The following EYS variants were observed in gnomAD, a reference collection of about 807,000 sequenced individuals.
EYS encodes the protein protein eyes shut homolog.
Under a neutral mutation model 282.1 loss-of-function variants are expected in EYS, and 250 were observed. The ratio of observed to expected loss-of-function variants is 0.89; its 90% CI spans 0.80 to 0.98. The LOEUF (loss-of-function observed/expected upper bound fraction) is 0.98, where lower values mean the gene tolerates loss of function less well. EYS is among the 50% of genes least tolerant of loss of function. The pLI, the probability that EYS is intolerant of heterozygous loss-of-function variation, is 0.00. For synonymous variants in EYS, 1,355 were observed against 1,282.9 expected (o/e 1.06, Z -1.20); for missense variants, 4,016 against 3,709.0 (o/e 1.08, Z -2.15).
rs189975813 is a variant in EYS at position 65,319,279 on chromosome 6, C to T, written c.1766+15701G>A. Reference sequence around the variant, plus strand: ...CCTGTAATCCCAGCTACTTGGGAGGCGGAGGCAGGAGAATCTCTTTAACCC... The same window carrying T: ...CCTGTAATCCCAGCTACTTGGGAGGTGGAGGCAGGAGAATCTCTTTAACCC... On this transcript the variant is annotated intron_variant, in intron 11 of 42. Transcript: ENST00000503581. Among the ~76,000 whole-genome samples the T allele has an allele frequency of 9.1e-3, 1,346 of 147,114 alleles. 18 individuals are homozygous for T. Among genetic ancestry groups the T allele is most frequent in the African/African-American group, 0.032 (1,261 of 39,646 alleles).
intron 22 of EYS, among the ~76,000 whole-genome samples, chr6:64,771,409 T>C (rs976996800): frequency 3.3e-5 from 5 of 151,520 alleles, no homozygotes; most frequent in Non-Finnish European, 7.4e-5. Context: ...TTTTGATTTC[T>C]ATTTTACTTA....
At position 65,394,941 on chromosome 6, in the gene EYS, C is replaced by T. The variant is rs188139388; in HGVS notation, c.1184+7537G>A. On this transcript the variant is annotated intron_variant, in intron 7 of 42. Coordinates refer to ENST00000503581, the MANE Select transcript of EYS (RefSeq NM_001142800.2). ...TTCAAGATGATGCCATCAAACCATG[C>T]TACCCATATCTTCTCCTGTCATAGT... is the stretch of plus-strand genomic sequence containing the variant. Among the ~76,000 whole-genome samples the T allele has an allele frequency of 2.0e-5, 3 of 152,326 alleles. No individual in the cohort carries two copies. The East Asian group carries it at 5.8e-4, about 29-fold the overall frequency.
chr6:63,754,089 C>CCCTATAA (rs1769415406), intron 41 of EYS, among the ~76,000 whole-genome samples: 1 of 152,122 alleles, frequency 6.6e-6, no homozygotes, highest in African/African-American at 2.4e-5. Flanking sequence ...TTTCCCTGAA[C>CCCTATAA]TTTTATCTAA....
intron 12 of EYS, among the ~76,000 whole-genome samples, chr6:65,183,791 G>A (rs1231839561): frequency 2.6e-5 from 4 of 151,798 alleles, no homozygotes; most frequent in African/African-American, 7.2e-5. Context: ...ATTAGGATTA[G>A]GGAAAGGTTA....
intron 22 of EYS, among the ~76,000 whole-genome samples, chr6:64,635,606 G>A (rs1767948353): frequency 6.6e-6 from 1 of 152,156 alleles, no homozygotes; most frequent in African/African-American, 2.4e-5. Context: ...CTTTGGTTCT[G>A]TTTATATGCT....
intron 34 of EYS, among the ~76,000 whole-genome samples, chr6:63,985,044 C>T (rs1028046885): frequency 6.6e-6 from 1 of 151,604 alleles, no homozygotes; most frequent in Admixed American, 6.6e-5. Context: ...CAGAATGTGA[C>T]TTTATTTAAA....
intron 26 of EYS, among the ~76,000 whole-genome samples, chr6:64,579,152 C>T (rs1190466150): frequency 6.6e-6 from 1 of 152,050 alleles, no homozygotes; most frequent in Non-Finnish European, 1.5e-5. Flanking sequence ...TGTTTTGATC[C>T]CTGCTCCCTT....
chr6:64,973,961 A>G (rs1489796787), intron 14 of EYS, among the ~76,000 whole-genome samples: 1 of 151,928 alleles, frequency 6.6e-6, no homozygotes, highest in Non-Finnish European at 1.5e-5. Context: ...AAGCAAAGGA[A>G]GTTTTAAATA....
chr6:65,665,393 A>G (rs1768161490), intron 1 of EYS, among the ~76,000 whole-genome samples: 1 of 152,094 alleles, frequency 6.6e-6, no homozygotes, highest in African/African-American at 2.4e-5. Flanking sequence ...TATTTGTTTC[A>G]TAATAGCAGT....
intron 29 of EYS, among the ~76,000 whole-genome samples, chr6:64,375,884 G>A (rs570849032): frequency 3.3e-4 from 51 of 152,258 alleles, no homozygotes; most frequent in African/African-American, 1.2e-3. Flanking sequence ...CCAAATCAAT[G>A]CAAGAGTATC....
intron 26 of EYS, among the ~76,000 whole-genome samples, chr6:64,471,413 T>C (rs1776117884): frequency 6.6e-6 from 1 of 152,022 alleles, no homozygotes; most frequent in Admixed American, 6.6e-5. Context: ...ACAAAATCAA[T>C]ATACAAAAAT....
At chr6:65,554,541 T>C (rs1047270217) in intron 2 of EYS, among the ~76,000 whole-genome samples, 1 of 152,162 alleles carries the variant, frequency 6.6e-6, no homozygotes, top group Non-Finnish European at 1.5e-5. Flanking sequence ...CATAACTTTG[T>C]CATTGTATGC....
At chr6:64,034,742 G>A (rs1770027879) in intron 33 of EYS, among the ~76,000 whole-genome samples, 1 of 151,960 alleles carries the variant, frequency 6.6e-6, no homozygotes, top group Non-Finnish European at 1.5e-5. Context: ...AGAGTTATTA[G>A]GCCAGGAAAT....
At chr6:65,595,175 T>C (rs568978703) in intron 2 of EYS, among the ~76,000 whole-genome samples, 1 of 152,160 alleles carries the variant, frequency 6.6e-6, no homozygotes, top group East Asian at 1.9e-4. Context: ...TGTAGGGACA[T>C]GGATGAAGCT....
In EYS at chr6:65,208,394, G is replaced by A. The variant is rs148388065; in HGVS notation, c.2023+87469C>T. The stretch of plus-strand genomic sequence containing the variant: ...TAACTTCTATGGAAAATAGTGTGGG[G>A]ATGTATCAAAGAACTAAAACTACAA... On this transcript the variant is annotated intron_variant, in intron 12 of 42. Coordinates refer to ENST00000503581, the MANE Select transcript of EYS (RefSeq NM_001142800.2). Among the ~76,000 whole-genome samples the A allele has an allele frequency of 4.8e-3, 724 of 151,906 alleles. 6 individuals are homozygous for A. Among genetic ancestry groups the A allele is most frequent in the African/African-American group, 0.017 (690 of 41,530 alleles).
chr6:64,876,335 C>A (rs1021541405), intron 19 of EYS, among the ~76,000 whole-genome samples: 2 of 151,790 alleles, frequency 1.3e-5, no homozygotes, highest in Admixed American at 6.6e-5. Context: ...TTTTTATTGG[C>A]AGCATGAGAA....
At chr6:64,797,623 T>A in intron 22 of EYS, among the ~76,000 whole-genome samples, 1 of 152,194 alleles carries the variant, frequency 6.6e-6, no homozygotes, top group East Asian at 1.9e-4. Context: ...GGATTATACT[T>A]ATAAAATAAA....
At chr6:65,693,646 A>T (rs1769329704) in intron 1 of EYS, among the ~76,000 whole-genome samples, 1 of 150,088 alleles carries the variant, frequency 6.7e-6, no homozygotes, top group African/African-American at 2.4e-5. Context: ...ATAGAATTTC[A>T]AGTATAAAGA....
At chr6:64,821,605 A>C (rs1286847229) in intron 21 of EYS, 40 bp downstream of exon 21, 1 of 1,095,054 alleles carries the variant, frequency 9.1e-7, no homozygotes, top group Non-Finnish European at 1.3e-6. Flanking sequence ...TTTTAAATTA[A>C]ATTTTTGTCA....
Sources: allele counts gnomAD v4.1 joint callset (sites outside exome capture counted in the v4.1 genomes callset), GRCh38; gene constraint gnomAD v4.1.1; transcripts MANE v1.5; gene names NCBI Gene and HGNC (gene_info 2026-07-23, HGNC 2026-07-21).